Variants in TLE1 observed in about 807,000 individuals in gnomAD.
TLE1 encodes TLE family member 1, transcriptional corepressor, also known as transducin-like enhancer protein 1.
A neutral mutation model predicts 89.8 loss-of-function variants in TLE1; 21 were observed. The ratio of observed to expected loss-of-function variants is 0.23; its 90% CI spans 0.17 to 0.34. The LOEUF (loss-of-function observed/expected upper bound fraction) is 0.34, where lower values mean the gene tolerates loss of function less well. TLE1 is among the 10% of genes least tolerant of loss of function. The pLI is 1.00. For synonymous variants in TLE1, 447 were observed against 407.6 expected (o/e 1.10, Z -1.16); for missense variants, 795 against 1,031.2 (o/e 0.77, Z 3.14).
chr9:81,591,537 C>A (rs1829490901), intron 15 of TLE1, among the ~76,000 whole-genome samples: 2 of 152,206 alleles, frequency 1.3e-5, no homozygotes, highest in South Asian at 4.1e-4. Flanking sequence ...CACTTAAGCC[C>A]CTCAATGCAA....
chr9:81,670,437 T>C (rs982703682), intron 4 of TLE1, among the ~76,000 whole-genome samples: 1 of 152,156 alleles, frequency 6.6e-6, no homozygotes, highest in Admixed American at 6.5e-5. Context: ...GTGATTCTTC[T>C]GCCTCAGCCT....
At chr9:81,626,381 C>G (rs562625562) in intron 8 of TLE1, among the ~76,000 whole-genome samples, 265 of 152,302 alleles carry the variant, frequency 1.7e-3, no homozygotes, top group Non-Finnish European at 3.2e-3. Flanking sequence ...TCCATCTACA[C>G]CTGGTGTCAA....
intron 6 of TLE1, among the ~76,000 whole-genome samples, chr9:81,651,647 G>T (rs765020307): frequency 1.2e-4 from 19 of 152,164 alleles, no homozygotes; most frequent in Non-Finnish European, 2.1e-4. Flanking sequence ...AAGGCAAAAA[G>T]CAAGGATAAC....
At chr9:81,678,024 C>T (rs192420822) in intron 4 of TLE1, among the ~76,000 whole-genome samples, 2 of 152,292 alleles carry the variant, frequency 1.3e-5, no homozygotes, top group East Asian at 1.9e-4. Context: ...TTGTATCCTA[C>T]TCTTTTTCTG....
chr9:81,687,943 G>A (rs548474202), intron 1 of TLE1, among the ~76,000 whole-genome samples: 1 of 152,130 alleles, frequency 6.6e-6, no homozygotes, highest in African/African-American at 2.4e-5. Flanking sequence ...AAGGTAGAGG[G>A]GATATGGCTG....
At chr9:81,628,097 G>C (rs1427273910) in intron 8 of TLE1, among the ~76,000 whole-genome samples, 1 of 152,158 alleles carries the variant, frequency 6.6e-6, no homozygotes, top group East Asian at 1.9e-4. Context: ...AAACAAATAG[G>C]AGAGAAACCC....
At position 81,611,849 on chromosome 9, in the gene TLE1, C is replaced by A; in HGVS notation, c.1174G>T (p.Ala392Ser). 2 of 1,562,582 alleles carry A rather than the reference C, an allele frequency of 1.3e-6. No individual in the cohort carries two copies. Among genetic ancestry groups the A allele is most frequent in the African/African-American group, 1.4e-5 (1 of 70,856 alleles). ...GELTSPGAAY[A>S]SLHNMSPQMS... ...TGGGGCGACATGTTGTGTAAACTGGCGTAGGCAGCGCCTGGGCTGGTCAGC... is the reference window on the plus strand; with the variant it reads ...TGGGGCGACATGTTGTGTAAACTGGAGTAGGCAGCGCCTGGGCTGGTCAGC... Residue 392 changes from alanine (A) to serine (S), a missense_variant, in exon 13 of 20, where the codon GCC becomes TCC. Ala to Ser is a moderately conservative substitution (Grantham distance 99, BLOSUM62 1). Transcript: ENST00000376499.
intron 8 of TLE1, among the ~76,000 whole-genome samples, chr9:81,632,878 A>G (rs1826856182): frequency 6.6e-6 from 1 of 152,246 alleles, no homozygotes; most frequent in South Asian, 2.1e-4. Flanking sequence ...ATGCATTCAC[A>G]GAGGATGACT....
intron 18 of TLE1, 89 bp from the exon 19 acceptor site, chr9:81,584,613 T>C: frequency 8.2e-7 from 1 of 1,212,668 alleles, no homozygotes; most frequent in Non-Finnish European, 1.2e-6. Context: ...ACTAAGAACA[T>C]TTTTAATATA....
At chr9:81,638,071 T>C (rs1463563374) in intron 6 of TLE1, among the ~76,000 whole-genome samples, 3 of 152,216 alleles carry the variant, frequency 2.0e-5, no homozygotes, top group African/African-American at 7.2e-5. Context: ...TTTCCCCCAC[T>C]GCTCAGCTAA....
At chr9:81,637,821 C>T (rs1224751924) in intron 6 of TLE1, among the ~76,000 whole-genome samples, 3 of 152,022 alleles carry the variant, frequency 2.0e-5, no homozygotes, top group African/African-American at 7.2e-5. Context: ...AAGTGTCCAT[C>T]GTCTGGCACA....
intron 8 of TLE1, among the ~76,000 whole-genome samples, chr9:81,632,123 A>G (rs1319044111): frequency 1.8e-5 from 2 of 110,550 alleles, no homozygotes; most frequent in Admixed American, 1.0e-4. Context: ...GGAACCCTGG[A>G]ATGGCAAAAC....
intron 16 of TLE1, among the ~76,000 whole-genome samples, chr9:81,589,541 G>C (rs113940353): frequency 6.6e-6 from 1 of 152,102 alleles, no homozygotes; most frequent in East Asian, 1.9e-4. Context: ...ACGGAGCAAG[G>C]GTTCAGAGTA....
At chr9:81,643,071 G>A (rs1828356778) in intron 6 of TLE1, among the ~76,000 whole-genome samples, 1 of 152,162 alleles carries the variant, frequency 6.6e-6, no homozygotes, top group Non-Finnish European at 1.5e-5. Context: ...GCCTTGCGGG[G>A]TAGGGGAAAA....
chr9:81,652,362 C>A, intron 5 of TLE1, 74 bp from the exon 6 acceptor site: 2 of 1,327,542 alleles, frequency 1.5e-6, no homozygotes, highest in South Asian at 2.5e-5. Context: ...AACAAAAAGT[C>A]AAATGCTGTG....
In TLE1 at chr9:81,652,220, G is replaced by T. The variant is rs183768719; in HGVS notation, c.366C>A (p.Ile122=). ...KQVTMAELNA[I]IGQQQLQAQH... is the part of the protein sequence containing the mutation. The stretch of plus-strand genomic sequence containing the variant: ...GACCTGGTAGGCCACGTACCCCGAT[G>T]ATGGCATTCAATTCTGCCATGGTCA... The change falls in exon 6 of 20, where the codon ATC becomes ATA. Residue 122 remains isoleucine (I), a synonymous_variant. Transcript: ENST00000376499. The T allele has an allele frequency of 6.2e-7, 1 of 1,613,862 alleles. No individual in the cohort carries two copies. Among genetic ancestry groups the T allele is most frequent in the Non-Finnish European group, 8.5e-7 (1 of 1,179,940 alleles).
chr9:81,685,296 G>A (rs1834117289), intron 4 of TLE1, among the ~76,000 whole-genome samples: 2 of 151,810 alleles, frequency 1.3e-5, no homozygotes, highest in Admixed American at 1.3e-4. Flanking sequence ...CCCCCAACAG[G>A]TCCACACTTC....
chr9:81,588,992 T>C (rs1225672794), intron 16 of TLE1, among the ~76,000 whole-genome samples: 1 of 152,148 alleles, frequency 6.6e-6, no homozygotes, highest in Non-Finnish European at 1.5e-5. Context: ...ACCATCACTT[T>C]TAAAATCTTC....
intron 4 of TLE1, among the ~76,000 whole-genome samples, chr9:81,683,704 C>T (rs1833902948): frequency 6.6e-6 from 1 of 152,108 alleles, no homozygotes; most frequent in South Asian, 2.1e-4. Flanking sequence ...AGGCTCAGTA[C>T]CCTACTATGA....
Sources: allele counts gnomAD v4.1 joint callset (sites outside exome capture counted in the v4.1 genomes callset), GRCh38; gene constraint gnomAD v4.1.1; transcripts MANE v1.5; gene names NCBI Gene and HGNC (gene_info 2026-07-23, HGNC 2026-07-21).